Variants in DNAH14 observed in about 807,000 individuals in gnomAD.
The protein encoded by DNAH14 is dynein axonemal heavy chain 14.
Under a neutral mutation model 520.9 loss-of-function variants are expected in DNAH14, and 478 were observed. The observed-to-expected ratio is 0.92, with a 90% CI of 0.85 to 0.99. The LOEUF is 0.99. Among genes scored for constraint, DNAH14 ranks in the 50% least tolerant of loss-of-function variants. The probability of loss-of-function intolerance (pLI) is 0.00; values close to 1 mark genes in which losing one functional copy is unlikely to be tolerated. For synonymous variants in DNAH14, 1,581 were observed against 1,757.2 expected (o/e 0.90, Z 2.51); for missense variants, 4,831 against 5,234.5 (o/e 0.92, Z 2.38).
Position 225,399,070 on chromosome 1 carries a change from C to G in DNAH14, c.13655C>G (p.Pro4552Arg). ...FLPTKISTKT[P>R]NASNQTDSEL... ...TTTTTAAAGATTTCTACCAAAACAC[C>G]AAATGCTTCCAACCAGACAGATTCA... Residue 4552 changes from proline (P) to arginine (R), a missense_variant, in exon 86 of 86, where the codon CCA becomes CGA. Coordinates refer to ENST00000682510, the MANE Select transcript of DNAH14 (RefSeq NM_001367479.1). 1 of 1,547,794 alleles carries G rather than the reference C, an allele frequency of 6.5e-7. No individual in the cohort carries two copies. Among genetic ancestry groups the G allele is most frequent in the Non-Finnish European group, 8.7e-7 (1 of 1,145,688 alleles).
chr1:225,167,359 C>T (rs1460649396), intron 35 of DNAH14, among the ~76,000 whole-genome samples: 1 of 152,200 alleles, frequency 6.6e-6, no homozygotes, highest in Non-Finnish European at 1.5e-5. Flanking sequence ...GAAATAAACC[C>T]TCCTTTAGAA....
chr1:225,072,770 G>C (rs370483643), intron 17 of DNAH14, among the ~76,000 whole-genome samples: 1 of 152,276 alleles, frequency 6.6e-6, no homozygotes, highest in East Asian at 1.9e-4. Context: ...CTTGTGGTAT[G>C]CTGGGGGTCC....
chr1:225,184,613 C>G (rs1306256331), intron 36 of DNAH14, among the ~76,000 whole-genome samples: 2 of 152,088 alleles, frequency 1.3e-5, no homozygotes, highest in Non-Finnish European at 2.9e-5. Context: ...GAGCAAGACT[C>G]TGTCTCAAAG....
chr1:225,268,481 C>A (rs951515668), intron 49 of DNAH14, among the ~76,000 whole-genome samples: 2 of 152,136 alleles, frequency 1.3e-5, no homozygotes, highest in African/African-American at 4.8e-5. Context: ...CTGGCCAGGG[C>A]AATCAGGCAA....
chr1:225,190,021 A>G (rs1489977201), intron 37 of DNAH14, among the ~76,000 whole-genome samples: 1 of 151,832 alleles, frequency 6.6e-6, no homozygotes. Context: ...CCCAAAATTC[A>G]TGTGTTAAAT....
intron 38 of DNAH14, among the ~76,000 whole-genome samples, chr1:225,202,767 G>T (rs1048428390): frequency 7.9e-5 from 12 of 152,252 alleles, no homozygotes; most frequent in Middle Eastern, 3.4e-3. Flanking sequence ...TCTCCCTGTG[G>T]CCTTTTCTCA....
At chr1:225,076,148 C>T (rs1159031877) in intron 17 of DNAH14, among the ~76,000 whole-genome samples, 1 of 152,176 alleles carries the variant, frequency 6.6e-6, no homozygotes, top group Non-Finnish European at 1.5e-5. Flanking sequence ...GCTTAGTCTT[C>T]CACGGAGGGC....
intron 33 of DNAH14, 57 bp from the exon 34 acceptor site, chr1:225,153,693 G>T (rs2080739383): frequency 7.8e-7 from 1 of 1,283,334 alleles, no homozygotes; most frequent in Non-Finnish European, 1.1e-6. Context: ...GTGTGCATTT[G>T]TTTTCATATT....
intron 10 of DNAH14, among the ~76,000 whole-genome samples, chr1:225,015,476 T>C (rs923401571): frequency 6.6e-6 from 1 of 152,216 alleles, no homozygotes; most frequent in African/African-American, 2.4e-5. Context: ...GTGAGTTTTA[T>C]AGTTTTGCAT....
chr1:225,102,786 A>G (rs1406853636), intron 23 of DNAH14, among the ~76,000 whole-genome samples: 1 of 152,120 alleles, frequency 6.6e-6, no homozygotes, highest in Non-Finnish European at 1.5e-5. Flanking sequence ...GATTCTGGAT[A>G]TTAGCCCTTT....
intron 85 of DNAH14, 69 bp downstream of exon 85, chr1:225,398,735 C>G: frequency 2.0e-6 from 3 of 1,502,072 alleles, no homozygotes; most frequent in Non-Finnish European, 2.7e-6. Flanking sequence ...ACAAACCACT[C>G]TTATTCCCAT....
intron 17 of DNAH14, among the ~76,000 whole-genome samples, chr1:225,075,163 G>T (rs1017280586): frequency 6.6e-6 from 1 of 152,160 alleles, no homozygotes; most frequent in South Asian, 2.1e-4. Flanking sequence ...TGCCCCAAGG[G>T]TTGCAAAGAT....
At chr1:225,101,798 G>C (rs1295875589) in intron 23 of DNAH14, among the ~76,000 whole-genome samples, 1 of 151,890 alleles carries the variant, frequency 6.6e-6, no homozygotes, top group Non-Finnish European at 1.5e-5. Flanking sequence ...TTTGGTTATT[G>C]TGAATAGTGC....
chr1:225,278,752 G>A (rs915115163), intron 54 of DNAH14, among the ~76,000 whole-genome samples: 1 of 152,104 alleles, frequency 6.6e-6, no homozygotes, highest in African/African-American at 2.4e-5. Flanking sequence ...TCTTTAGCAT[G>A]TCTTTTCTAG....
At chr1:224,991,949 T>C (rs774195374) in intron 8 of DNAH14, among the ~76,000 whole-genome samples, 3 of 152,224 alleles carry the variant, frequency 2.0e-5, no homozygotes, top group Non-Finnish European at 4.4e-5. Flanking sequence ...TTAATTCTTC[T>C]GCATATGGAT....
intron 46 of DNAH14, among the ~76,000 whole-genome samples, chr1:225,260,143 G>T (rs913023193): frequency 3.3e-5 from 5 of 152,050 alleles, no homozygotes; most frequent in African/African-American, 1.2e-4. Flanking sequence ...CTGAGGTCAG[G>T]AGTTTGAGAC....
At position 225,392,316 on chromosome 1, in the gene DNAH14, C is replaced by T; in HGVS notation, c.13356C>T (p.Asp4452=). The T allele has an allele frequency of 6.4e-7, 1 of 1,552,418 alleles. No individual in the cohort carries two copies. Among genetic ancestry groups the T allele is most frequent in the Non-Finnish European group, 8.7e-7 (1 of 1,147,150 alleles). The change falls in exon 84 of 86, where the codon GAC becomes GAT. Residue 4452 remains aspartate, a synonymous_variant. Transcript: ENST00000682510. Reference sequence around the variant, plus strand: ...CCTTTCTTGCTGCTGTGCTTCAAGACTATGGGAGGTCCCGAGGAATCGCTG... The same window carrying T: ...CCTTTCTTGCTGCTGTGCTTCAAGATTATGGGAGGTCCCGAGGAATCGCTG... ...PQAFLAAVLQ[D]YGRSRGIAVD...
chr1:225,292,334 C>T (rs951919905), intron 55 of DNAH14, among the ~76,000 whole-genome samples: 2 of 151,948 alleles, frequency 1.3e-5, no homozygotes, highest in African/African-American at 4.8e-5. Flanking sequence ...TTCAACTTTC[C>T]CAGCACCATT....
chr1:225,272,047 A>C lies in DNAH14; in HGVS notation c.7813A>C (p.Met2605Leu), dbSNP rs1356429656. The C allele has an allele frequency of 1.3e-6, 2 of 1,549,944 alleles. No individual in the cohort carries two copies. Among genetic ancestry groups the C allele is most frequent in the East Asian group, 4.9e-5 (2 of 40,780 alleles). ...ACCAACTCCAACAAAATGTCACTAC[A>C]TGTTTAATCTTCGAGATATGTTTAA... is the stretch of plus-strand genomic sequence containing the variant. ...MLPTPTKCHY[M>L]FNLRDMFKLL... The change falls in exon 51 of 86, where the codon ATG becomes CTG. Residue 2605 changes from methionine (M) to leucine (L), a missense_variant. Met to Leu is a conservative substitution (Grantham distance 15). Transcript: ENST00000682510.
Sources: allele counts gnomAD v4.1 joint callset (sites outside exome capture counted in the v4.1 genomes callset), GRCh38; gene constraint gnomAD v4.1.1; transcripts MANE v1.5; gene names NCBI Gene and HGNC (gene_info 2026-07-23, HGNC 2026-07-21).